Variants in ABCA13 observed in about 807,000 individuals in gnomAD.
ABCA13 encodes the protein ATP-binding cassette sub-family A member 13.
Under a neutral mutation model 478.7 loss-of-function variants are expected in ABCA13, and 476 were observed. The observed-to-expected ratio is 0.99, with a 90% CI of 0.92 to 1.07. The LOEUF is 1.07. Among genes scored for constraint, ABCA13 ranks in the 50% least tolerant of loss-of-function variants. ABCA13 has a pLI of 0.00. For synonymous variants in ABCA13, 2,252 were observed against 2,158.9 expected, an observed-to-expected ratio of 1.04 and a Z score of -1.20; for missense variants, 6,060 against 5,910.6, an observed-to-expected ratio of 1.03 and a Z score of -0.83.
chr7:48,497,990 A>G (rs1830425610), intron 48 of ABCA13, among the ~76,000 whole-genome samples: 1 of 152,104 alleles, frequency 6.6e-6, no homozygotes. Context: ...TGTCAGGTAG[A>G]TATGGAGGCT....
rs553615766 is a variant in ABCA13, at chr7:48,587,240, ACT to A, written c.14597_14598del (p.Ser4866TyrfsTer10). On this transcript the variant is annotated frameshift_variant, in exon 57 of 62. Transcript: ENST00000435803. LOFTEE classifies it high-confidence loss of function. ...CCTACAGTGGGGGAACCAAGCGGAA[ACT>A]CTCTACAGCCCTGGCCCTGGTGGGG... ...ATYSGGTKRK[L>X]STALALVGKP... 1.6e-5 allele frequency: 26 copies of A among 1,611,930 alleles called. 1 individual carries two copies. In the South Asian group the frequency reaches 1.8e-4, roughly 11 times the overall value.
intron 55 of ABCA13, among the ~76,000 whole-genome samples, chr7:48,552,360 ATGT>A (rs1374932792): frequency 6.6e-6 from 1 of 151,686 alleles, no homozygotes; most frequent in Non-Finnish European, 1.5e-5. Context: ...TTTTTAGAGG[ATGT>A]TGTTTTACTC....
intron 31 of ABCA13, among the ~76,000 whole-genome samples, chr7:48,355,076 C>T (rs1003022066): frequency 5.6e-5 from 8 of 143,832 alleles, no homozygotes. Flanking sequence ...AAAATCCCTG[C>T]TCTTGTGAGA....
chr7:48,388,816 A>C (rs1815592832), intron 36 of ABCA13, among the ~76,000 whole-genome samples: 1 of 152,134 alleles, frequency 6.6e-6, no homozygotes, highest in Admixed American at 6.6e-5. Flanking sequence ...TTTTTACAAA[A>C]TGGTTATCAT....
chr7:48,470,698 T>C (rs1266537546), intron 44 of ABCA13, among the ~76,000 whole-genome samples: 1 of 152,198 alleles, frequency 6.6e-6, no homozygotes, highest in African/African-American at 2.4e-5. Flanking sequence ...CTTTCTTCAA[T>C]TGGTGTTATC....
chr7:48,325,008 C>T (rs1172575358), intron 27 of ABCA13, among the ~76,000 whole-genome samples: 1 of 152,174 alleles, frequency 6.6e-6, no homozygotes. Context: ...GTTACTTCCC[C>T]CTTCCCTTTG....
In ABCA13 at chr7:48,202,965, C is replaced by T. The variant is rs191060136; in HGVS notation, c.287+4605C>T. Among the ~76,000 whole-genome samples the T allele has an allele frequency of 5.8e-4, 89 of 152,292 alleles. No homozygotes were observed. The East Asian group carries it at 0.014, about 23-fold the overall frequency. ...GGACTGGGCGCCGTGGAGCAGGGGGCGGCGCTCGTCGGGGAGGCTTGGGCT... is the reference window on the plus strand; with the variant it reads ...GGACTGGGCGCCGTGGAGCAGGGGGTGGCGCTCGTCGGGGAGGCTTGGGCT... On this transcript the variant is annotated intron_variant, in intron 3 of 61. Transcript: ENST00000435803.
At chr7:48,406,973 A>C (rs571351281) in intron 39 of ABCA13, among the ~76,000 whole-genome samples, 2 of 152,266 alleles carry the variant, frequency 1.3e-5, no homozygotes, top group Admixed American at 6.5e-5. Context: ...ACAGCCACTA[A>C]AAAGTCATCA....
chr7:48,279,925 T>C lies in ABCA13; in HGVS notation c.8726+5T>C. On this transcript the variant is annotated splice_donor_5th_base_variant and intron_variant, in intron 18 of 61. Transcript: ENST00000435803. The stretch of plus-strand genomic sequence containing the variant: ...AATCCCACTAACAGATCAAAGGTAA[T>C]TAAAAAGCTGAATTCACTTTGTTTT... 6.6e-7 allele frequency: 1 copy of C among 1,505,442 alleles called. No individual in the cohort carries two copies. The highest frequency in any genetic ancestry group is 1.4e-5 in the African/African-American group (1 of 71,530). The allele number at this position is 1,505,442 out of a possible 1,614,324, so 93.3% of individuals were successfully genotyped here. A position where few individuals can be genotyped will look rare whatever the true frequency, so the allele number is the denominator to read the frequency against.
intron 55 of ABCA13, among the ~76,000 whole-genome samples, chr7:48,564,722 G>A (rs1786851954): frequency 6.6e-6 from 1 of 151,774 alleles, no homozygotes; most frequent in Non-Finnish European, 1.5e-5. Flanking sequence ...AGAAAAATTT[G>A]AAATACTAAA....
chr7:48,340,206 A>C (rs1210627963), intron 29 of ABCA13, among the ~76,000 whole-genome samples: 2 of 152,116 alleles, frequency 1.3e-5, no homozygotes, highest in Non-Finnish European at 2.9e-5. Context: ...TTCTGGGTTC[A>C]AGCAATTCTC....
At chr7:48,202,570 T>C (rs1470208056) in intron 3 of ABCA13, among the ~76,000 whole-genome samples, 1 of 151,860 alleles carries the variant, frequency 6.6e-6, no homozygotes, top group African/African-American at 2.4e-5. Flanking sequence ...AGGGTGCTGA[T>C]TGGAGTGTTT....
intron 57 of ABCA13, among the ~76,000 whole-genome samples, chr7:48,590,164 C>G (rs1789574537): frequency 6.6e-6 from 1 of 152,052 alleles, no homozygotes; most frequent in Non-Finnish European, 1.5e-5. Context: ...TAGTGTTTTT[C>G]CATGCATGGC....
chr7:48,509,684 TA>T (rs1459175487), intron 50 of ABCA13, among the ~76,000 whole-genome samples: 1 of 152,208 alleles, frequency 6.6e-6, no homozygotes, highest in African/African-American at 2.4e-5. Context: ...ACTAATTTAA[TA>T]AATATTTTTG....
rs1435195294 is a variant in ABCA13, at chr7:48,219,489, A to G, written c.423A>G (p.Glu141=). ...KAKNLKRLWV[E]RSNTPDSSYG... is the part of the protein sequence containing the mutation. ...AAAACTTAAAAAGACTTTGGGTAGA[A>G]CGATCCAACACTCCAGGCAAGTAAA... Residue 141 remains glutamate (E), a synonymous_variant, in exon 4 of 62, where the codon GAA becomes GAG. Transcript: ENST00000435803. 4 of 1,610,976 alleles carry G rather than the reference A, an allele frequency of 2.5e-6. No homozygotes were observed. In the African/African-American group the frequency reaches 5.4e-5, roughly 22 times the overall value.
chr7:48,469,900 A>G (rs1827293122), intron 44 of ABCA13, among the ~76,000 whole-genome samples: 2 of 151,062 alleles, frequency 1.3e-5, no homozygotes, highest in African/African-American at 4.9e-5. Flanking sequence ...AGCCTGGGCA[A>G]CAGGGTGAGA....
chr7:48,454,923 G>T, intron 42 of ABCA13, 114 bp from the exon 43 acceptor site: 1 of 1,374,740 alleles, frequency 7.3e-7, no homozygotes, highest in Non-Finnish European at 9.5e-7. Context: ...GTGGGCCTGC[G>T]TCGCATTCCC....
chr7:48,493,292 T>C (rs1343226701), intron 48 of ABCA13, among the ~76,000 whole-genome samples: 1 of 152,210 alleles, frequency 6.6e-6, no homozygotes, highest in Non-Finnish European at 1.5e-5. Context: ...GATAATTACA[T>C]TCTAAAATAA....
chr7:48,198,184 C>T, intron 2 of ABCA13, 53 bp from the exon 3 acceptor site: 1 of 1,531,292 alleles, frequency 6.5e-7, no homozygotes, highest in Non-Finnish European at 8.8e-7. Flanking sequence ...AACAGGAATT[C>T]CATTTCTGGT....
Sources: allele counts gnomAD v4.1 joint callset (sites outside exome capture counted in the v4.1 genomes callset), GRCh38; gene constraint gnomAD v4.1.1; transcripts MANE v1.5; gene names NCBI Gene and HGNC (gene_info 2026-07-23, HGNC 2026-07-21).